Variants in CSMD1 observed in about 807,000 individuals in gnomAD.
The protein encoded by CSMD1 is CUB and Sushi multiple domains 1, also known as CUB and sushi domain-containing protein 1.
Under a neutral mutation model 417.5 loss-of-function variants are expected in CSMD1, and 213 were observed. That is an observed-to-expected ratio of 0.51 (90% CI 0.46 to 0.57). CSMD1 has a LOEUF of 0.57. Among genes scored for constraint, CSMD1 ranks in the 20% least tolerant of loss-of-function variants. The probability of loss-of-function intolerance (pLI) is 0.00; values close to 1 mark genes in which losing one functional copy is unlikely to be tolerated. For missense variants in CSMD1, 6,923 were observed against 4,529.7 expected (o/e 1.53, Z -15.17); for synonymous variants, 2,862 against 1,736.8 (o/e 1.65, Z -16.11).
intron 1 of CSMD1, among the ~76,000 whole-genome samples, chr8:4,713,830 C>G (rs545548488): frequency 6.6e-6 from 1 of 152,178 alleles, no homozygotes; most frequent in African/African-American, 2.4e-5. Context: ...TTTCTTCTGT[C>G]CTTTTAATTT....
At chr8:3,872,372 C>A (rs1249850850) in intron 5 of CSMD1, among the ~76,000 whole-genome samples, 1 of 152,142 alleles carries the variant, frequency 6.6e-6, no homozygotes, top group African/African-American at 2.4e-5. Context: ...GGCAAGATGT[C>A]CCTGCTTCAG....
chr8:3,142,602 T>G lies in CSMD1; in HGVS notation c.6104A>C (p.Tyr2035Ser). Residue 2035 changes from tyrosine (Y) to serine (S), a missense_variant, in exon 41 of 70, where the codon TAC becomes TCC. Physicochemically the swap from Tyr to Ser is moderately radical, Grantham distance 144. Coordinates refer to ENST00000635120, the MANE Select transcript of CSMD1 (RefSeq NM_033225.6). Reference protein sequence around the residue: ...HDFLEIQNGPYHTSPMIGQFS... With the variant: ...HDFLEIQNGPSHTSPMIGQFS... ...TTGTCCAATCATGGGGCTGGTGTGG[T>G]AAGGTCCATTTTGAATTTCAAGGAA... 6.2e-7 allele frequency: 1 copy of G among 1,613,898 alleles called. No individual in the cohort carries two copies. Among genetic ancestry groups the G allele is most frequent in the Non-Finnish European group, 8.5e-7 (1 of 1,179,846 alleles).
chr8:4,020,419 T>C (rs188947788), intron 4 of CSMD1, among the ~76,000 whole-genome samples: 217 of 152,320 alleles, frequency 1.4e-3, no homozygotes, highest in Non-Finnish European at 2.6e-3. Flanking sequence ...GTTCAAAATA[T>C]TTACTTTTTC....
intron 54 of CSMD1, among the ~76,000 whole-genome samples, chr8:2,982,598 T>G (rs954797377): frequency 6.6e-6 from 1 of 152,196 alleles, no homozygotes; most frequent in Admixed American, 6.5e-5. Context: ...TCCCGTGGCA[T>G]GCCTCACACC....
At chr8:4,197,256 T>G (rs181133814) in intron 3 of CSMD1, among the ~76,000 whole-genome samples, 1 of 152,312 alleles carries the variant, frequency 6.6e-6, no homozygotes, top group South Asian at 2.1e-4. Context: ...TATAACCAGA[T>G]AGATTTTCAA....
chr8:4,711,969 T>A lies in CSMD1; in HGVS notation c.86-74411A>T, dbSNP rs186327236. ...GCACATCTCATTTGCGGTACAGTTT[T>A]AAACTCAAGTCAGTGATTTGAAATA... On this transcript the variant is annotated intron_variant, in intron 1 of 69. Transcript: ENST00000635120. 2.1e-3 allele frequency among the ~76,000 whole-genome samples: 318 copies of A among 152,286 alleles called. 1 individual carries two copies. Among genetic ancestry groups the A allele is most frequent in the African/African-American group, 7.5e-3 (312 of 41,568 alleles).
intron 3 of CSMD1, among the ~76,000 whole-genome samples, chr8:4,232,479 A>C (rs757665894): frequency 5.3e-5 from 8 of 152,166 alleles, no homozygotes; most frequent in Non-Finnish European, 1.0e-4. Context: ...GATTACAGGC[A>C]TGAGCAACTG....
intron 46 of CSMD1, among the ~76,000 whole-genome samples, chr8:3,098,888 A>AT (rs35005765): frequency 0.098 from 14,361 of 146,634 alleles, 1,044 homozygotes; most frequent in African/African-American, 0.21. Flanking sequence ...AATATACACA[A>AT]TTTTTTTTTT....
At chr8:3,933,694 G>A (rs908467675) in intron 5 of CSMD1, among the ~76,000 whole-genome samples, 6 of 152,156 alleles carry the variant, frequency 3.9e-5, no homozygotes, top group African/African-American at 1.2e-4. Context: ...CATGCAATTT[G>A]TGCTCCTTTT....
chr8:3,486,156 A>G (rs1585236044), intron 11 of CSMD1, among the ~76,000 whole-genome samples: 2 of 152,312 alleles, frequency 1.3e-5, no homozygotes, highest in East Asian at 3.9e-4. Context: ...TCATTTTCAA[A>G]TTTGATTCTG....
intron 3 of CSMD1, among the ~76,000 whole-genome samples, chr8:4,328,397 G>T (rs1280648522): frequency 6.6e-6 from 1 of 151,444 alleles, no homozygotes; most frequent in African/African-American, 2.4e-5. Flanking sequence ...TATTACTTCT[G>T]GTTTCTACTT....
At chr8:3,840,837 G>A (rs1336930370) in intron 5 of CSMD1, among the ~76,000 whole-genome samples, 2 of 151,724 alleles carry the variant, frequency 1.3e-5, no homozygotes, top group African/African-American at 4.8e-5. Context: ...CTGGGCGCCT[G>A]CCACTACGTA....
At chr8:4,943,103 T>C (rs189739972) in intron 1 of CSMD1, among the ~76,000 whole-genome samples, 42 of 152,250 alleles carry the variant, frequency 2.8e-4, no homozygotes, top group African/African-American at 1.0e-3. Flanking sequence ...CTCCATAGAT[T>C]TTACAATTTG....
intron 2 of CSMD1, among the ~76,000 whole-genome samples, chr8:4,510,051 G>C (rs1038023291): frequency 1.3e-5 from 2 of 151,996 alleles, no homozygotes; most frequent in Admixed American, 6.6e-5. Flanking sequence ...CTCAATCTTG[G>C]GGGTAGGTCT....
chr8:4,205,656 G>A (rs560441995), intron 3 of CSMD1, among the ~76,000 whole-genome samples: 12 of 152,060 alleles, frequency 7.9e-5, no homozygotes, highest in South Asian at 2.1e-4. Flanking sequence ...TCATTGTAAC[G>A]GCTGTTGTGG....
intron 6 of CSMD1, among the ~76,000 whole-genome samples, chr8:3,718,358 G>C (rs534366667): frequency 1.3e-5 from 2 of 152,018 alleles, no homozygotes. Flanking sequence ...TGACAACCAA[G>C]TTTTAAGAAC....
chr8:4,222,459 G>T (rs561157545), intron 3 of CSMD1, among the ~76,000 whole-genome samples: 1 of 151,880 alleles, frequency 6.6e-6, no homozygotes, highest in Non-Finnish European at 1.5e-5. Flanking sequence ...GTAGTACCTG[G>T]TCCGTCATAT....
intron 42 of CSMD1, among the ~76,000 whole-genome samples, chr8:3,117,170 C>A (rs7815733): frequency 0.39 from 58,661 of 151,888 alleles, 16,241 homozygotes; most frequent in African/African-American, 0.78. Flanking sequence ...TCCTGGGTTC[C>A]CGCCATTCTC....
At chr8:4,042,611 G>A (rs1019182471) in intron 3 of CSMD1, among the ~76,000 whole-genome samples, 8 of 151,746 alleles carry the variant, frequency 5.3e-5, no homozygotes, top group South Asian at 2.1e-4. Context: ...AATGATACCC[G>A]TATGGGGAAT....
Sources: allele counts gnomAD v4.1 joint callset (sites outside exome capture counted in the v4.1 genomes callset), GRCh38; gene constraint gnomAD v4.1.1; transcripts MANE v1.5; gene names NCBI Gene and HGNC (gene_info 2026-07-23, HGNC 2026-07-21).